OXNAD1: variants seen among roughly 807,000 people sequenced by gnomAD.
The protein encoded by OXNAD1 is oxidoreductase NAD-binding domain-containing protein 1.
OXNAD1 carries 34 observed loss-of-function variants against 32.9 expected under a neutral mutation model. That is an observed-to-expected ratio of 1.03 (90% CI 0.79 to 1.38). The LOEUF is 1.38. OXNAD1 is among the 40% of genes most tolerant of loss of function. OXNAD1 has a pLI of 0.00. For missense variants in OXNAD1, 407 were observed against 379.4 expected, an observed-to-expected ratio of 1.07 and a Z score of -0.60; for synonymous variants, 134 against 135.2, an observed-to-expected ratio of 0.99 and a Z score of 0.06.
At position 16,282,276 on chromosome 3, in the gene OXNAD1, T is replaced by C. The variant is rs920779283; in HGVS notation, c.184-4066T>C. ...AAACAAAGGAAAATACCAGTTCTAC[T>C]AAATAAATGTCTGCTCTCCCTGAAC... On this transcript the variant is annotated intron_variant, in intron 4 of 8. Coordinates refer to ENST00000285083, the MANE Select transcript of OXNAD1 (RefSeq NM_138381.5). Among the ~76,000 whole-genome samples, 89 of 151,822 alleles carry C rather than the reference T, an allele frequency of 5.9e-4. 4 individuals carry two copies. Among genetic ancestry groups the C allele is most frequent in the Non-Finnish European group, 4.4e-5 (3 of 67,986 alleles).
intron 9 of OXNAD1, among the ~76,000 whole-genome samples, chr3:16,324,645 A>AT (rs1355387665): frequency 6.1e-5 from 2 of 32,602 alleles, no homozygotes; most frequent in African/African-American, 2.7e-4. Context: ...ATAGTATTCC[A>AT]TTGTGTGTGT....
chr3:16,269,302 G>A (rs2064767610), intron 2 of OXNAD1, 27 bp downstream of exon 2: 1 of 1,530,688 alleles, frequency 6.5e-7, no homozygotes, highest in African/African-American at 1.4e-5. Context: ...TTCTTTCAGG[G>A]ATTAAGGTAA....
At position 16,345,817 on chromosome 3, in the gene OXNAD1, T is replaced by TGTGTGTGTGTGTGCGCGC. The variant is rs1160939614; in HGVS notation, c.*31-3358_*31-3357insTGTGTGTGTGTGCGCGCG. On this transcript the variant is annotated intron_variant, in intron 9 of 9. Coordinates refer to the OXNAD1 transcript ENST00000606098. The surrounding 1 kb of genome is among the most constrained non-coding windows in gnomAD (Gnocchi z 5.2). The stretch of plus-strand genomic sequence containing the variant: ...GTGTGTGTGTGTGTGTGTGTGTGTG[T>TGTGTGTGTGTGTGCGCGC]GCGCGCGCGCGTGCGCGCACGCGCA... 1.3e-5 allele frequency among the ~76,000 whole-genome samples: 1 copy of TGTGTGTGTGTGTGCGCGC among 74,540 alleles called. No individual in the cohort carries two copies. The highest frequency in any genetic ancestry group is 5.5e-5 in the African/African-American group (1 of 18,090). 48.9% of individuals were successfully genotyped at this position (74,540 alleles called of 152,430 possible). A position where few individuals can be genotyped will look rare whatever the true frequency, so the allele number is the denominator to read the frequency against.
rs772889229 is a variant in OXNAD1, at chr3:16,342,533, C to A, written c.*31-6643C>A. 6.6e-6 allele frequency among the ~76,000 whole-genome samples: 1 copy of A among 152,102 alleles called. No individual in the cohort carries two copies. The highest frequency in any genetic ancestry group is 1.5e-5 in the Non-Finnish European group (1 of 68,016). On this transcript the variant is annotated intron_variant, in intron 9 of 9. Coordinates refer to the OXNAD1 transcript ENST00000606098. This position sits in a 1 kb window ranked among gnomAD's most constrained non-coding sequence, Gnocchi z 4.0. ...TTTATGTGGACATATGTTTTCATTT[C>A]TCTTAAATATAGGGGTGGAATTGCT...
chr3:16,291,921 C>T (rs1575115508), intron 5 of OXNAD1, among the ~76,000 whole-genome samples: 1 of 152,304 alleles, frequency 6.6e-6, no homozygotes, highest in East Asian at 1.9e-4. Context: ...TTATAGCCAT[C>T]CACGTGGGTG....
chr3:16,345,788 C>CTGTGTGTGTGTGTGTGTGTGTGTGTGTG lies in OXNAD1; in HGVS notation c.*31-3385_*31-3358dup, dbSNP rs370820242. On this transcript the variant is annotated intron_variant, in intron 9 of 9. Transcript: ENST00000606098. The surrounding 1 kb of genome is among the most constrained non-coding windows in gnomAD (Gnocchi z 5.2). ...TGAGCCAAAACCTTATAATAAATCT[C>CTGTGTGTGTGTGTGTGTGTGTGTGTGTG]TGTGTGTGTGTGTGTGTGTGTGTGT... Among the ~76,000 whole-genome samples, 11 of 127,248 alleles carry CTGTGTGTGTGTGTGTGTGTGTGTGTGTG rather than the reference C, an allele frequency of 8.6e-5. No homozygotes were observed. Among genetic ancestry groups the CTGTGTGTGTGTGTGTGTGTGTGTGTGTG allele is most frequent in the African/African-American group, 2.4e-4 (8 of 33,130 alleles). 83.5% of individuals were successfully genotyped at this position (127,248 alleles called of 152,430 possible).
Position 16,301,532 on chromosome 3 carries a change from A to G in OXNAD1, c.433-94A>G. On this transcript the variant is annotated intron_variant, in intron 6 of 8. Coordinates refer to ENST00000285083, the MANE Select transcript of OXNAD1 (RefSeq NM_138381.5). This position sits in a 1 kb window ranked among gnomAD's most constrained non-coding sequence, Gnocchi z 4.1. ...TATAAAAATAGTCTTAAATACTGATAATACAGGAGATAGACCCAGTTTTAT... is the reference window on the plus strand; with the variant it reads ...TATAAAAATAGTCTTAAATACTGATGATACAGGAGATAGACCCAGTTTTAT... The G allele has an allele frequency of 3.5e-6, 5 of 1,410,584 alleles. No individual in the cohort carries two copies. The highest frequency in any genetic ancestry group is 4.9e-6 in the Non-Finnish European group (5 of 1,029,788). The allele number at this position is 1,410,584 out of a possible 1,614,324, so 87.4% of individuals were successfully genotyped here.
Position 16,316,074 on chromosome 3 carries a change from C to T in OXNAD1, c.*30+12482C>T, listed in dbSNP as rs141978812. ...TTAAAATAGCACATAACAAGGGCGCCAGCCAGTCCCGATGCCCTGAAGTGA... is the reference window on the plus strand; with the variant it reads ...TTAAAATAGCACATAACAAGGGCGCTAGCCAGTCCCGATGCCCTGAAGTGA... On this transcript the variant is annotated intron_variant, in intron 9 of 9. Transcript: ENST00000435829. This position sits in a 1 kb window ranked among gnomAD's most constrained non-coding sequence, Gnocchi z 4.5. 6.5e-6 allele frequency: 1 copy of T among 152,842 alleles called. No individual in the cohort carries two copies. Among genetic ancestry groups the T allele is most frequent in the East Asian group, 1.9e-4 (1 of 5,192 alleles). 9.5% of individuals were successfully genotyped at this position (152,842 alleles called of 1,614,324 possible).
downstream of OXNAD1, among the ~76,000 whole-genome samples, chr3:16,310,780 G>A (rs529673576): frequency 3.3e-5 from 5 of 151,954 alleles, no homozygotes; most frequent in South Asian, 4.2e-4. Context: ...ACCTGAGGTC[G>A]GGAGTTCAAG....
intron 4 of OXNAD1, among the ~76,000 whole-genome samples, chr3:16,282,867 G>GT (rs1361230645): frequency 1.6e-5 from 2 of 125,254 alleles, no homozygotes; most frequent in African/African-American, 6.2e-5. Flanking sequence ...GTAGAGAGCC[G>GT]TTTAAGGTTT....
At chr3:16,325,152 G>A (rs910913911) in intron 9 of OXNAD1, among the ~76,000 whole-genome samples, 12 of 152,160 alleles carry the variant, frequency 7.9e-5, no homozygotes, top group Non-Finnish European at 1.2e-4. Context: ...TTTGTGTAGC[G>A]GCTAGGCTGG....
At position 16,301,593 on chromosome 3, in the gene OXNAD1, A is replaced by G. The variant is rs1355834033; in HGVS notation, c.433-33A>G. 6.2e-7 allele frequency: 1 copy of G among 1,611,260 alleles called. No individual in the cohort carries two copies. Among genetic ancestry groups the G allele is most frequent in the African/African-American group, 1.3e-5 (1 of 74,752 alleles). On this transcript the variant is annotated intron_variant, in intron 6 of 8. Transcript: ENST00000285083. The surrounding 1 kb of genome is among the most constrained non-coding windows in gnomAD (Gnocchi z 4.1). ...CATTTGGTTTAAGACCTTTGCTACA[A>G]AAGACTAAAAGGTCTTTTCTTTCCT...
rs1172834341 is a variant in OXNAD1, at chr3:16,334,511, G to A, written c.*31-2601G>A. ...CTGGAAACTACTCAAGTGCCCATCA[G>A]TGCTGGATTTGTATTTAACATTATG... On this transcript the variant is annotated intron_variant, in intron 9 of 9. Transcript: ENST00000435829. This position sits in a 1 kb window ranked among gnomAD's most constrained non-coding sequence, Gnocchi z 4.3. 6.6e-6 allele frequency among the ~76,000 whole-genome samples: 1 copy of A among 152,226 alleles called. No individual in the cohort carries two copies. The highest frequency in any genetic ancestry group is 1.5e-5 in the Non-Finnish European group (1 of 68,046).
chr3:16,324,613 A>ACCCC (rs111849488), intron 9 of OXNAD1, among the ~76,000 whole-genome samples: 3,525 of 90,520 alleles, frequency 0.039, 425 homozygotes, highest in East Asian at 0.057. Flanking sequence ...AATGTCCCTG[A>ACCCC]CCCCCCCCCT....
rs915185817 is a variant in OXNAD1 at position 16,336,125 on chromosome 3, C to G, written c.*31-987C>G. Among the ~76,000 whole-genome samples the G allele has an allele frequency of 6.6e-6, 1 of 152,234 alleles. No individual in the cohort carries two copies. The highest frequency in any genetic ancestry group is 1.5e-5 in the Non-Finnish European group (1 of 68,032). On this transcript the variant is annotated intron_variant, in intron 9 of 9. Transcript: ENST00000435829. This position sits in a 1 kb window ranked among gnomAD's most constrained non-coding sequence, Gnocchi z 6.0. The stretch of plus-strand genomic sequence containing the variant: ...GACAGAAAGAAGGGCCACTTCACCT[C>G]TACCTCTCCCTAGCAAGTGGAAGGC...
intron 4 of OXNAD1, among the ~76,000 whole-genome samples, chr3:16,278,905 T>C (rs982148425): frequency 6.6e-6 from 1 of 152,196 alleles, no homozygotes; most frequent in African/African-American, 2.4e-5. Context: ...AATGGGATGG[T>C]CTGCTTAGCT....
In OXNAD1 at chr3:16,286,432, T is replaced by G. The variant is rs1186406194; in HGVS notation, c.274T>G (p.Phe92Val). ...GCTTGTTGCTGATCAAGACTTTTCCTTTAAAGCTGGCCAGTGGTAAGTGAC... is the reference window on the plus strand; with the variant it reads ...GCTTGTTGCTGATCAAGACTTTTCCGTTAAAGCTGGCCAGTGGTAAGTGAC... ...RLLVADQDFS[F>V]KAGQWVDFFI... is the part of the protein sequence containing the mutation. The change falls in exon 5 of 9, where the codon TTT becomes GTT. Residue 92 changes from phenylalanine (F) to valine (V), a missense_variant. Phe to Val is a conservative substitution (Grantham distance 50, BLOSUM62 -1). Coordinates refer to ENST00000285083, the MANE Select transcript of OXNAD1 (RefSeq NM_138381.5). 1 of 1,613,742 alleles carries G rather than the reference T, an allele frequency of 6.2e-7. No homozygotes were observed. Among genetic ancestry groups the G allele is most frequent in the Non-Finnish European group, 8.5e-7 (1 of 1,179,784 alleles).
intron 6 of OXNAD1, among the ~76,000 whole-genome samples, chr3:16,296,658 T>C (rs2066819285): frequency 6.6e-6 from 1 of 152,120 alleles, no homozygotes. Flanking sequence ...AGTTCAGAAA[T>C]AGACTGACAT....
In OXNAD1 at chr3:16,289,879, A is replaced by G. The variant is rs2066312821; in HGVS notation, c.290+3431A>G. Reference sequence around the variant, plus strand: ...GCCCATTTAATTGTATGTATTTGTTAATTTTCCTCCTCTTAGAGTGGGTTC... The same window carrying G: ...GCCCATTTAATTGTATGTATTTGTTGATTTTCCTCCTCTTAGAGTGGGTTC... On this transcript the variant is annotated intron_variant, in intron 5 of 8. Coordinates refer to ENST00000285083, the MANE Select transcript of OXNAD1 (RefSeq NM_138381.5). The surrounding 1 kb of genome is among the most constrained non-coding windows in gnomAD (Gnocchi z 4.9). Among the ~76,000 whole-genome samples, 1 of 152,168 alleles carries G rather than the reference A, an allele frequency of 6.6e-6. No homozygotes were observed. The highest frequency in any genetic ancestry group is 2.1e-4 in the South Asian group (1 of 4,830).
Sources: allele counts gnomAD v4.1 joint callset (sites outside exome capture counted in the v4.1 genomes callset), GRCh38; gene constraint gnomAD v4.1.1; non-coding constraint Gnocchi (gnomAD v3.1); transcripts MANE v1.5; gene names NCBI Gene and HGNC (gene_info 2026-07-23, HGNC 2026-07-21).